TRMT11: variants seen among roughly 807,000 people sequenced by gnomAD.
TRMT11 encodes the protein tRNA (guanine(10)-N(2))-methyltransferase TRMT11.
TRMT11 carries 53 observed loss-of-function variants against 62.8 expected under a neutral mutation model. That is an observed-to-expected ratio of 0.84 (90% CI 0.68 to 1.06). The LOEUF is 1.06. TRMT11 is among the 50% of genes least tolerant of loss of function. TRMT11 has a pLI of 0.00. For synonymous variants in TRMT11, 188 were observed against 190.3 expected, an observed-to-expected ratio of 0.99 and a Z score of 0.10; for missense variants, 556 against 553.4, an observed-to-expected ratio of 1.00 and a Z score of -0.05.
chr6:126,054,119 C>G (rs1466567013), intron 17 of TRMT11, among the ~76,000 whole-genome samples: 2 of 152,168 alleles, frequency 1.3e-5, no homozygotes, highest in Non-Finnish European at 2.9e-5. Flanking sequence ...CCTGTGACCT[C>G]CTCTCCCCTT....
chr6:126,241,457 A>G, the TRMT11 span, among the ~76,000 whole-genome samples: 73 of 152,336 alleles, frequency 4.8e-4, no homozygotes, highest in African/African-American at 1.7e-3. Context: ...GGCCAGCATC[A>G]TCCTGATACC....
At chr6:126,176,086 A>G (rs981637849), upstream of TRMT11, among the ~76,000 whole-genome samples, 1 of 152,184 alleles carries the variant, frequency 6.6e-6, no homozygotes, top group Non-Finnish European at 1.5e-5. Flanking sequence ...TGAAACGCCA[A>G]TTTGTTCAGG....
At chr6:126,199,789 A>G (rs1333752296) in exon 3 of TRMT11, 1 of 152,230 alleles carries the variant, frequency 6.6e-6, no homozygotes, top group Non-Finnish European at 1.5e-5. Context: ...TAATGTGGTT[A>G]AAGAAGGCAG....
intron 7 of TRMT11, among the ~76,000 whole-genome samples, chr6:126,005,832 A>T (rs1793264240): frequency 6.6e-6 from 1 of 151,912 alleles, no homozygotes; most frequent in Non-Finnish European, 1.5e-5. Context: ...CGTAGATCTG[A>T]TCCCCTCTCA....
the TRMT11 span, among the ~76,000 whole-genome samples, chr6:126,208,887 G>A: frequency 6.6e-6 from 1 of 152,228 alleles, no homozygotes; most frequent in South Asian, 2.1e-4. Context: ...AGGCCTGGTA[G>A]GGGAAGACTA....
Position 125,993,647 on chromosome 6 carries a change from T to G in TRMT11, c.73-110T>G, listed in dbSNP as rs1041623856. The G allele has an allele frequency of 2.7e-5, 15 of 553,362 alleles. No individual in the cohort carries two copies. The Admixed American group carries it at 4.6e-4, about 17-fold the overall frequency. The allele number at this position is 553,362 out of a possible 1,614,324, so 34.3% of individuals were successfully genotyped here. On this transcript the variant is annotated intron_variant, in intron 1 of 12. Transcript: ENST00000334379. ...GATGTTGAAGCTTAAATGCCTCAGT[T>G]AGATCTTCAGCCTACTCTTATTTTT... is the stretch of plus-strand genomic sequence containing the variant.
chr6:126,041,255 C>G (rs895561549), downstream of TRMT11, among the ~76,000 whole-genome samples: 1 of 152,004 alleles, frequency 6.6e-6, no homozygotes, highest in Non-Finnish European at 1.5e-5. Context: ...TCACGGGAGG[C>G]ATTGTAGTGG....
chr6:126,271,241 G>T, the TRMT11 span, among the ~76,000 whole-genome samples: 4 of 151,420 alleles, frequency 2.6e-5, no homozygotes, highest in African/African-American at 9.7e-5. Context: ...GCATGTACCC[G>T]TAATCCCAGC....
At position 126,011,257 on chromosome 6, in the gene TRMT11, G is replaced by A; in HGVS notation, c.765G>A (p.Lys255=). Residue 255 remains lysine (K), a synonymous_variant, in exon 9 of 13, where the codon AAG becomes AAA. Transcript: ENST00000334379. ...TTCCTTTTTCTTTCCCTTCAGGAAA[G>A]GCTACTAGGAAAAACCAGAAGTGGA... ...IDYNTVHGLG[K]ATRKNQKWRG... The A allele has an allele frequency of 3.1e-6, 5 of 1,610,104 alleles. No homozygotes were observed. The highest frequency in any genetic ancestry group is 4.2e-6 in the Non-Finnish European group (5 of 1,178,340).
chr6:126,271,528 A>G, the TRMT11 span, among the ~76,000 whole-genome samples: 4 of 151,976 alleles, frequency 2.6e-5, no homozygotes, highest in African/African-American at 9.7e-5. Flanking sequence ...AAGTTCTTAT[A>G]GAATGCTAAC....
intron 21 of TRMT11, among the ~76,000 whole-genome samples, chr6:126,154,710 G>T (rs1192840831): frequency 2.0e-5 from 3 of 152,166 alleles, no homozygotes; most frequent in Non-Finnish European, 4.4e-5. Flanking sequence ...TGGGAACACT[G>T]GGAAAAGTCA....
At chr6:126,050,996 G>T (rs1024603781) in intron 16 of TRMT11, among the ~76,000 whole-genome samples, 2 of 152,198 alleles carry the variant, frequency 1.3e-5, no homozygotes, top group African/African-American at 4.8e-5. Context: ...GTGAGATACA[G>T]GGGGCCCTAT....
chr6:126,209,024 A>C, the TRMT11 span, among the ~76,000 whole-genome samples: 4 of 148,096 alleles, frequency 2.7e-5, no homozygotes, highest in African/African-American at 9.7e-5. Flanking sequence ...TGCTTGCCAT[A>C]GTGTGGAACA....
chr6:126,129,296 C>T (rs1777754172), intron 21 of TRMT11, among the ~76,000 whole-genome samples: 1 of 152,050 alleles, frequency 6.6e-6, no homozygotes. Context: ...GAGATACCTA[C>T]TTTTTAGTGT....
At chr6:126,068,718 C>T (rs572645174) in intron 17 of TRMT11, among the ~76,000 whole-genome samples, 8 of 152,300 alleles carry the variant, frequency 5.3e-5, no homozygotes, top group African/African-American at 1.7e-4. Context: ...CATTCAAGAG[C>T]GTATCGGCTA....
intron 17 of TRMT11, among the ~76,000 whole-genome samples, chr6:126,070,583 C>G (rs1199590482): frequency 6.6e-6 from 1 of 152,194 alleles, no homozygotes; most frequent in Non-Finnish European, 1.5e-5. Context: ...CTCTCCTTCC[C>G]TCTCTTTTCT....
At chr6:126,109,310 T>C (rs1777500211) in intron 17 of TRMT11, among the ~76,000 whole-genome samples, 1 of 152,206 alleles carries the variant, frequency 6.6e-6, no homozygotes, top group African/African-American at 2.4e-5. Flanking sequence ...CTCTTTAGTC[T>C]CTTTTAGTCT....
chr6:126,012,168 G>T (rs758779032), intron 9 of TRMT11, among the ~76,000 whole-genome samples: 5 of 152,122 alleles, frequency 3.3e-5, no homozygotes, highest in African/African-American at 4.8e-5. Context: ...TATGGTTTCA[G>T]TGTGAATATA....
chr6:126,104,721 T>C (rs771081610), intron 17 of TRMT11, among the ~76,000 whole-genome samples: 2 of 152,244 alleles, frequency 1.3e-5, no homozygotes, highest in African/African-American at 4.8e-5. Flanking sequence ...TTCCTAAATA[T>C]GAGACACATT....
Sources: gnomAD v4.1 joint callset for allele counts (sites outside exome capture counted in the v4.1 genomes callset) on GRCh38, gnomAD v4.1.1 for gene constraint, MANE v1.5 for transcripts, NCBI Gene and HGNC (gene_info 2026-07-23, HGNC 2026-07-21) for gene names.